The following DAB2IP variants were observed in gnomAD, a reference collection of about 807,000 sequenced individuals.
The protein encoded by DAB2IP is DAB2 interacting protein.
DAB2IP carries 28 observed loss-of-function variants against 107.2 expected under a neutral mutation model. The observed-to-expected ratio is 0.26, with a 90% CI of 0.19 to 0.36. DAB2IP has a LOEUF of 0.36. Ranked by LOEUF, DAB2IP falls within the 10% of genes least tolerant of loss-of-function variation. The pLI, the probability that DAB2IP is intolerant of heterozygous loss-of-function variation, is 1.00. For missense variants in DAB2IP, 1,400 were observed against 1,644.7 expected (o/e 0.85, Z 2.57); for synonymous variants, 755 against 706.4 (o/e 1.07, Z -1.09).
chr9:121,749,789 G>A (rs530042076), intron 3 of DAB2IP, among the ~76,000 whole-genome samples: 2 of 152,316 alleles, frequency 1.3e-5, no homozygotes, highest in South Asian at 2.1e-4. Flanking sequence ...TTGCAGATGG[G>A]GAAAACTGAG....
rs759930923 is a variant in DAB2IP, at chr9:121,702,178, C to T, written c.362+2720C>T. Among the ~76,000 whole-genome samples, 5 of 152,296 alleles carry T rather than the reference C, an allele frequency of 3.3e-5. No individual in the cohort carries two copies. The highest frequency in any genetic ancestry group is 4.1e-4 in the South Asian group (2 of 4,828). On this transcript the variant is annotated intron_variant, in intron 3 of 15. Coordinates refer to ENST00000408936, the Ensembl canonical transcript of DAB2IP. This position sits in a 1 kb window ranked among gnomAD's most constrained non-coding sequence, Gnocchi z 4.5. ...TTTGTTGAATGCTGTCTGCGTGCTCCGCAAGCTGCTGTGTTGGGGAGGTGG... is the reference window on the plus strand; with the variant it reads ...TTTGTTGAATGCTGTCTGCGTGCTCTGCAAGCTGCTGTGTTGGGGAGGTGG...
In DAB2IP at chr9:121,760,276, C is replaced by G; in HGVS notation, c.1007C>G (p.Thr336Ser). The G allele has an allele frequency of 6.2e-7, 1 of 1,613,928 alleles. No individual in the cohort carries two copies. The highest frequency in any genetic ancestry group is 1.1e-5 in the South Asian group (1 of 91,082). ...ATCCGCATCAAGGCGCGCTACCAAA[C>G]CATCACCATCCTGCCCATGGAGATG... The change falls in exon 6 of 16, where the codon ACC (threonine) becomes AGC (serine). Residue 336 changes from threonine to serine, a missense_variant. Thr to Ser is a moderately conservative substitution (Grantham distance 58, BLOSUM62 1). Transcript: ENST00000408936. This position sits in a 1 kb window ranked among gnomAD's most constrained non-coding sequence, Gnocchi z 5.9.
chr9:121,633,389 C>T lies in DAB2IP; in HGVS notation c.41-45289C>T, dbSNP rs377482135. Among the ~76,000 whole-genome samples, 6 of 152,258 alleles carry T rather than the reference C, an allele frequency of 3.9e-5. No homozygotes were observed. In the South Asian group the frequency reaches 1.0e-3, roughly 26 times the overall value. ...GTCTTTGCCCACTGACCCCACCCCCCCTACCAAACCACCTCTGCTGCAAAC... is the reference window on the plus strand; with the variant it reads ...GTCTTTGCCCACTGACCCCACCCCCTCTACCAAACCACCTCTGCTGCAAAC... On this transcript the variant is annotated intron_variant, in intron 1 of 16. Coordinates refer to the DAB2IP transcript ENST00000259371. The surrounding 1 kb of genome is among the most constrained non-coding windows in gnomAD (Gnocchi z 5.1).
chr9:121,636,592 G>C (rs1285904619), intron 1 of DAB2IP, among the ~76,000 whole-genome samples: 2 of 152,216 alleles, frequency 1.3e-5, no homozygotes, highest in African/African-American at 4.8e-5. Flanking sequence ...GGGCCGTCTG[G>C]TTTCTCCCAA....
At chr9:121,730,055 G>C (rs1317365474) in intron 3 of DAB2IP, among the ~76,000 whole-genome samples, 1 of 152,078 alleles carries the variant, frequency 6.6e-6, no homozygotes, top group South Asian at 2.1e-4. Flanking sequence ...GGTAAGGTCA[G>C]GACTTGAACC....
intron 2 of DAB2IP, among the ~76,000 whole-genome samples, chr9:121,695,780 A>C (rs887436852): frequency 3.9e-5 from 6 of 152,224 alleles, no homozygotes; most frequent in Non-Finnish European, 5.9e-5. Context: ...AGTCCTGTAC[A>C]TGTATATGGG....
At chr9:121,692,311 T>TGTCTGTA (rs1829205748) in intron 2 of DAB2IP, among the ~76,000 whole-genome samples, 1 of 152,110 alleles carries the variant, frequency 6.6e-6, no homozygotes, top group South Asian at 2.1e-4. Context: ...GTGTATGTGT[T>TGTCTGTA]TGTGTGTGTC....
At chr9:121,675,525 G>A (rs963345037) in intron 1 of DAB2IP, among the ~76,000 whole-genome samples, 12 of 152,176 alleles carry the variant, frequency 7.9e-5, no homozygotes, top group South Asian at 2.1e-4. Context: ...GGCTGAACCC[G>A]GGGGTCTGCC....
At chr9:121,610,834 C>T (rs144210596) in intron 1 of DAB2IP, among the ~76,000 whole-genome samples, 10 of 152,216 alleles carry the variant, frequency 6.6e-5, no homozygotes, top group Non-Finnish European at 1.3e-4. Flanking sequence ...CAGTCCTGGG[C>T]CCATCTCTTT....
At chr9:121,678,058 C>T (rs1481567222) in intron 1 of DAB2IP, among the ~76,000 whole-genome samples, 1 of 152,168 alleles carries the variant, frequency 6.6e-6, no homozygotes, top group Non-Finnish European at 1.5e-5. Context: ...GGCATGAAGT[C>T]CATTTGTAAT....
intron 3 of DAB2IP, among the ~76,000 whole-genome samples, chr9:121,712,654 T>C (rs1389340842): frequency 6.6e-6 from 1 of 152,202 alleles, no homozygotes; most frequent in Non-Finnish European, 1.5e-5. Context: ...CCCCAACATG[T>C]GGTTGACATT....
chr9:121,684,243 C>T lies in DAB2IP; in HGVS notation c.228+5462C>T, dbSNP rs968544150. ...CTGTTGGAAATTAACTGGTTCAACC[C>T]TTCCCTATACAGAGGAGGGACTGAG... On this transcript the variant is annotated intron_variant, in intron 2 of 15. Transcript: ENST00000408936. The surrounding 1 kb of genome is among the most constrained non-coding windows in gnomAD (Gnocchi z 4.0). Among the ~76,000 whole-genome samples the T allele has an allele frequency of 2.0e-5, 3 of 152,160 alleles. No individual in the cohort carries two copies. Among genetic ancestry groups the T allele is most frequent in the African/African-American group, 7.2e-5 (3 of 41,440 alleles).
chr9:121,570,260 A>T (rs1829906704), intron 1 of DAB2IP, among the ~76,000 whole-genome samples: 1 of 151,198 alleles, frequency 6.6e-6, no homozygotes, highest in Non-Finnish European at 1.5e-5. Flanking sequence ...CCACAGGTGC[A>T]CAACACCATG....
chr9:121,641,990 TTCCTTTCTCTCTCTCTCTCTC>T (rs1832333928), intron 1 of DAB2IP, among the ~76,000 whole-genome samples: 4 of 114,362 alleles, frequency 3.5e-5, no homozygotes, highest in East Asian at 2.6e-4. Flanking sequence ...CTTTCTTTCT[TTCCTTTCTCTCTCTCTCTCTC>T]TCTCTCTCTC....
chr9:121,631,553 C>G (rs1465532062), intron 1 of DAB2IP, among the ~76,000 whole-genome samples: 1 of 152,042 alleles, frequency 6.6e-6, no homozygotes, highest in Non-Finnish European at 1.5e-5. Flanking sequence ...CGCGGTGGCT[C>G]ACACCTGTAA....
chr9:121,615,637 T>C (rs999014712), intron 1 of DAB2IP, among the ~76,000 whole-genome samples: 2 of 151,892 alleles, frequency 1.3e-5, no homozygotes, highest in African/African-American at 4.8e-5. Context: ...CTTTCTTTTT[T>C]TTTTTTTTTG....
intron 1 of DAB2IP, among the ~76,000 whole-genome samples, chr9:121,674,855 G>C (rs1266825928): frequency 6.6e-6 from 1 of 151,980 alleles, no homozygotes; most frequent in East Asian, 1.9e-4. Context: ...ACCCAGGAAA[G>C]TGTAAAGCTG....
intron 2 of DAB2IP, among the ~76,000 whole-genome samples, chr9:121,688,769 C>T (rs1049011600): frequency 3.3e-5 from 5 of 152,272 alleles, no homozygotes; most frequent in Middle Eastern, 3.4e-3. Flanking sequence ...GAGGGGCTTG[C>T]GGAATGAAGG....
At chr9:121,706,852 C>T (rs560199295) in intron 3 of DAB2IP, among the ~76,000 whole-genome samples, 5 of 152,190 alleles carry the variant, frequency 3.3e-5, no homozygotes, top group Non-Finnish European at 5.9e-5. Flanking sequence ...AAGCCACCAG[C>T]GTGCAGCAGA....
Sources: gnomAD v4.1 joint callset for allele counts (sites outside exome capture counted in the v4.1 genomes callset) on GRCh38, gnomAD v4.1.1 for gene constraint, Gnocchi (gnomAD v3.1) non-coding constraint, MANE v1.5 for transcripts, NCBI Gene and HGNC (gene_info 2026-07-23, HGNC 2026-07-21) for gene names.